Variants in ARHGEF3 observed in about 807,000 individuals in gnomAD.
ARHGEF3 encodes Rho guanine nucleotide exchange factor 3, also known as 59.8 kDA protein.
A neutral mutation model predicts 63.2 loss-of-function variants in ARHGEF3; 28 were observed. The observed-to-expected ratio is 0.44, with a 90% CI of 0.33 to 0.61. ARHGEF3 has a LOEUF of 0.61. Ranked by LOEUF, ARHGEF3 falls within the 20% of genes least tolerant of loss-of-function variation. The pLI is 0.03. For missense variants in ARHGEF3, 533 were observed against 659.3 expected, an observed-to-expected ratio of 0.81 and a Z score of 2.10; for synonymous variants, 266 against 254.2, an observed-to-expected ratio of 1.05 and a Z score of -0.44.
chr3:56,991,884 G>A (rs943636775), intron 2 of ARHGEF3, among the ~76,000 whole-genome samples: 1 of 152,144 alleles, frequency 6.6e-6, no homozygotes, highest in African/African-American at 2.4e-5. Context: ...CAAAGTGCTG[G>A]AATTACAGGC....
chr3:56,893,797 A>ACAAGACT (rs1364745333), intron 3 of ARHGEF3, among the ~76,000 whole-genome samples: 1 of 127,032 alleles, frequency 7.9e-6, no homozygotes, highest in Non-Finnish European at 1.6e-5. Context: ...CAGAGCAAGA[A>ACAAGACT]CAAGACTCTG....
intron 1 of ARHGEF3, among the ~76,000 whole-genome samples, chr3:57,046,773 G>A (rs977008559): frequency 7.2e-5 from 11 of 152,252 alleles, no homozygotes; most frequent in African/African-American, 2.4e-4. Context: ...GAAGTGCTCC[G>A]AATGTGGGGC....
chr3:56,958,323 T>A (rs1700132271), intron 3 of ARHGEF3, among the ~76,000 whole-genome samples: 1 of 118,588 alleles, frequency 8.4e-6, no homozygotes, highest in Non-Finnish European at 1.9e-5. Context: ...ACTTGAATTT[T>A]TTTTTTTTTT....
At chr3:56,840,398 T>C (rs2039271420) in intron 4 of ARHGEF3, among the ~76,000 whole-genome samples, 1 of 152,242 alleles carries the variant, frequency 6.6e-6, no homozygotes, top group African/African-American at 2.4e-5. Context: ...GGAACAGAGA[T>C]GTGTCCAGTT....
At chr3:56,754,096 C>T (rs2034925820) in intron 3 of ARHGEF3, among the ~76,000 whole-genome samples, 1 of 152,208 alleles carries the variant, frequency 6.6e-6, no homozygotes, top group Admixed American at 6.5e-5. Flanking sequence ...ACTCCAAATA[C>T]AACCTGGTGA....
At chr3:56,732,498 T>C in intron 8 of ARHGEF3, 74 bp from the exon 9 acceptor site, 7 of 1,508,226 alleles carry the variant, frequency 4.6e-6, no homozygotes, top group Non-Finnish European at 5.5e-6. Context: ...CCTCTGTGGA[T>C]AAAGAGGTCC....
intron 1 of ARHGEF3, among the ~76,000 whole-genome samples, chr3:57,052,079 A>G (rs749570447): frequency 9.2e-5 from 14 of 152,210 alleles, no homozygotes; most frequent in Non-Finnish European, 2.1e-4. Context: ...AAGCCACACA[A>G]CAACCCAAAG....
chr3:56,829,138 C>T (rs1031024291), intron 4 of ARHGEF3, among the ~76,000 whole-genome samples: 1 of 152,060 alleles, frequency 6.6e-6, no homozygotes, highest in Admixed American at 6.6e-5. Context: ...GTTGGCCAGG[C>T]TGGTCTCAAA....
intron 2 of ARHGEF3, among the ~76,000 whole-genome samples, chr3:57,004,507 G>T (rs1226012126): frequency 6.6e-6 from 1 of 152,168 alleles, no homozygotes; most frequent in Admixed American, 6.5e-5. Context: ...CCAAGGCCAG[G>T]CACATAAGCA....
chr3:57,015,648 C>T (rs1702965702), intron 2 of ARHGEF3, among the ~76,000 whole-genome samples: 1 of 149,516 alleles, frequency 6.7e-6, no homozygotes, highest in Non-Finnish European at 1.5e-5. Flanking sequence ...AGTTATGTTG[C>T]CCAGGCTGGT....
At chr3:56,888,313 G>C (rs973401493) in intron 3 of ARHGEF3, among the ~76,000 whole-genome samples, 8 of 152,118 alleles carry the variant, frequency 5.3e-5, no homozygotes, top group African/African-American at 1.9e-4. Flanking sequence ...GACAGTCTGG[G>C]GACTCAGTCT....
intron 1 of ARHGEF3, among the ~76,000 whole-genome samples, chr3:57,055,474 T>G (rs1195005684): frequency 6.6e-6 from 1 of 152,214 alleles, no homozygotes; most frequent in Non-Finnish European, 1.5e-5. Context: ...TTTATGCTTT[T>G]TGTGACTTAT....
intron 3 of ARHGEF3, among the ~76,000 whole-genome samples, chr3:56,933,415 T>C (rs2108398296): frequency 6.6e-6 from 1 of 151,964 alleles, no homozygotes; most frequent in East Asian, 1.9e-4. Flanking sequence ...TTTTTTACTT[T>C]TTTTTAGTTT....
At chr3:56,956,905 G>A (rs542289146) in intron 3 of ARHGEF3, among the ~76,000 whole-genome samples, 2 of 152,184 alleles carry the variant, frequency 1.3e-5, no homozygotes, top group Non-Finnish European at 2.9e-5. Context: ...GTCAACAAGG[G>A]ATTTCATGAT....
intron 2 of ARHGEF3, among the ~76,000 whole-genome samples, chr3:56,979,626 G>C (rs1042239587): frequency 3.3e-5 from 5 of 152,196 alleles, no homozygotes; most frequent in African/African-American, 9.7e-5. Context: ...TCCACATCAC[G>C]ACTGCAGGTG....
rs186549548 is a variant in ARHGEF3, at chr3:56,895,174, G to A, written c.130-12820C>T. On this transcript the variant is annotated intron_variant, in intron 3 of 12. Transcript: ENST00000338458. ...GCAGGAAGAAAATGTCCCTCTAATC[G>A]CAGCTGACTTCTTTCCAGGCGCTGC... is the stretch of plus-strand genomic sequence containing the variant. Among the ~76,000 whole-genome samples the A allele has an allele frequency of 2.1e-3, 322 of 151,600 alleles. 1 individual carries two copies. Among genetic ancestry groups the A allele is most frequent in the African/African-American group, 7.5e-3 (309 of 41,326 alleles).
intron 3 of ARHGEF3, among the ~76,000 whole-genome samples, chr3:56,907,256 C>G (rs1268533866): frequency 6.6e-6 from 1 of 152,182 alleles, no homozygotes; most frequent in African/African-American, 2.4e-5. Flanking sequence ...GCTGAGATTA[C>G]AGGCATGAGC....
chr3:56,970,436 C>A (rs1298515952), intron 2 of ARHGEF3, among the ~76,000 whole-genome samples: 1 of 152,148 alleles, frequency 6.6e-6, no homozygotes, highest in Non-Finnish European at 1.5e-5. Context: ...ATGGAAGCGG[C>A]TTAGTGGTGG....
intron 1 of ARHGEF3, among the ~76,000 whole-genome samples, chr3:57,054,635 T>C (rs981739764): frequency 7.0e-6 from 1 of 143,138 alleles, no homozygotes; most frequent in Non-Finnish European, 1.5e-5. Flanking sequence ...TGAGACCCCA[T>C]CTCAAAAATT....
Sources: allele counts gnomAD v4.1 joint callset (sites outside exome capture counted in the v4.1 genomes callset), GRCh38; gene constraint gnomAD v4.1.1; transcripts MANE v1.5; gene names NCBI Gene and HGNC (gene_info 2026-07-23, HGNC 2026-07-21).